ELF2: variants seen among roughly 807,000 people sequenced by gnomAD.
ELF2 encodes the protein E74 like ETS transcription factor 2.
A neutral mutation model predicts 54.8 loss-of-function variants in ELF2; 11 were observed. That is an observed-to-expected ratio of 0.20 (90% CI 0.13 to 0.33). The LOEUF (loss-of-function observed/expected upper bound fraction) is 0.33, where lower values mean the gene tolerates loss of function less well. Ranked by LOEUF, ELF2 falls within the 10% of genes least tolerant of loss-of-function variation. The probability of loss-of-function intolerance (pLI) is 1.00; values close to 1 mark genes in which losing one functional copy is unlikely to be tolerated. For missense variants in ELF2, 513 were observed against 703.0 expected (o/e 0.73, Z 3.06); for synonymous variants, 203 against 245.1 (o/e 0.83, Z 1.61).
At chr4:139,114,814 G>A (rs370091173) in intron 4 of ELF2, 44 of 1,549,718 alleles carry the variant, frequency 2.8e-5, no homozygotes, top group South Asian at 2.4e-4. Flanking sequence ...GGGGCACGAG[G>A]AGCCCTGCTC....
chr4:139,096,566 A>T (rs1437852678), intron 4 of ELF2, among the ~76,000 whole-genome samples: 3 of 148,870 alleles, frequency 2.0e-5, no homozygotes, highest in Non-Finnish European at 4.4e-5. Flanking sequence ...GGTTCAAGCG[A>T]TTCTCCTGCC....
intron 1 of ELF2, among the ~76,000 whole-genome samples, chr4:139,146,457 A>G (rs950633047): frequency 6.6e-6 from 1 of 152,230 alleles, no homozygotes; most frequent in South Asian, 2.1e-4. Context: ...CATCTAAAGC[A>G]ATCTACAGAT....
chr4:139,100,728 T>C (rs1733798278), intron 4 of ELF2: 1 of 152,240 alleles, frequency 6.6e-6, no homozygotes, highest in Non-Finnish European at 1.5e-5. Flanking sequence ...GTGAAAACAA[T>C]TTAAAAATAC....
upstream of ELF2, among the ~76,000 whole-genome samples, chr4:139,177,417 G>A (rs1183190793): frequency 6.6e-6 from 1 of 151,774 alleles, no homozygotes; most frequent in Non-Finnish European, 1.5e-5. Flanking sequence ...TGTCAAACGC[G>A]GGCCGGCTAT....
At chr4:139,144,169 C>T (rs1186942862) in intron 1 of ELF2, among the ~76,000 whole-genome samples, 1 of 152,074 alleles carries the variant, frequency 6.6e-6, no homozygotes. Context: ...AACTGTAAGT[C>T]CCCAGAGTGT....
chr4:139,171,759 C>A lies in ELF2; in HGVS notation c.-252+5208G>T, dbSNP rs529794153. ...GCAACATGGTGAAACCCCGTCTCCA[C>A]TAAAAAGACAAAAAATCAGCTGGGC... On this transcript the variant is annotated intron_variant, in intron 1 of 9. Coordinates refer to ENST00000686138, the MANE Select transcript of ELF2 (RefSeq NM_001331036.3). Among the ~76,000 whole-genome samples the A allele has an allele frequency of 6.6e-4, 101 of 152,166 alleles. 1 individual carries two copies. The South Asian group carries it at 0.02, about 30-fold the overall frequency.
chr4:139,156,037 C>T (rs1740492445), intron 1 of ELF2, among the ~76,000 whole-genome samples: 1 of 152,122 alleles, frequency 6.6e-6, no homozygotes. Flanking sequence ...TATAACTTGC[C>T]AATCATAAAA....
At chr4:139,061,711 A>G (rs919488408) in intron 8 of ELF2, among the ~76,000 whole-genome samples, 154 bp downstream of exon 8, 1 of 152,330 alleles carries the variant, frequency 6.6e-6, no homozygotes, top group African/African-American at 2.4e-5. Context: ...CCAAACTCCT[A>G]TCTCCCCACC....
intron 2 of ELF2, 105 bp from the exon 3 acceptor site, chr4:139,137,972 A>C: frequency 1.3e-6 from 1 of 788,332 alleles, no homozygotes; most frequent in Non-Finnish European, 1.8e-6. Flanking sequence ...ACTAAGAAAA[A>C]GAAGACAGGC....
At chr4:139,140,821 C>A (rs185974747) in intron 1 of ELF2, among the ~76,000 whole-genome samples, 68 of 151,920 alleles carry the variant, frequency 4.5e-4, no homozygotes, top group Admixed American at 1.9e-3. Flanking sequence ...TGCTCCAGTT[C>A]CTTCCTTTCT....
At chr4:139,109,929 A>G (rs1458196226) in intron 4 of ELF2, among the ~76,000 whole-genome samples, 3 of 152,240 alleles carry the variant, frequency 2.0e-5, no homozygotes, top group Non-Finnish European at 4.4e-5. Context: ...CCCAAACCTC[A>G]GCATCATGCA....
intron 1 of ELF2, among the ~76,000 whole-genome samples, chr4:139,167,427 G>A (rs190374386): frequency 3.3e-4 from 51 of 152,252 alleles, no homozygotes; most frequent in African/African-American, 1.1e-3. Context: ...GTGGTCAACA[G>A]CTATTCTTGC....
intron 4 of ELF2, among the ~76,000 whole-genome samples, chr4:139,104,766 A>G (rs1324165946): frequency 1.3e-5 from 2 of 152,178 alleles, no homozygotes; most frequent in Non-Finnish European, 2.9e-5. Context: ...ATTCCATTTG[A>G]CTTGTTCCTC....
At chr4:139,072,581 T>A (rs1729670205) in intron 5 of ELF2, among the ~76,000 whole-genome samples, 3 of 152,190 alleles carry the variant, frequency 2.0e-5, no homozygotes, top group African/African-American at 7.2e-5. Flanking sequence ...GTATTTAAAG[T>A]TTTATTTAAT....
intron 1 of ELF2, among the ~76,000 whole-genome samples, chr4:139,148,838 A>G (rs910399406): frequency 2.0e-5 from 3 of 152,210 alleles, no homozygotes; most frequent in African/African-American, 7.2e-5. Flanking sequence ...ACCATTTCAC[A>G]TTCCTACCAG....
chr4:139,114,447 T>A (rs1467984868), intron 4 of ELF2, among the ~76,000 whole-genome samples: 5 of 151,888 alleles, frequency 3.3e-5, no homozygotes, highest in Admixed American at 3.3e-4. Flanking sequence ...TGCGCGCCTG[T>A]AATCTCAGTT....
In ELF2 at chr4:139,079,131, T is replaced by C. The variant is rs531912237; in HGVS notation, c.239-5564A>G. On this transcript the variant is annotated intron_variant, in intron 4 of 9. Transcript: ENST00000686138. ...TTTTTTAGAGACGAGGGTCTCACTA[T>C]GTTGTCCAGGCTGGTCTCAAACTCC... 5.1e-4 allele frequency among the ~76,000 whole-genome samples: 78 copies of C among 152,146 alleles called. 1 individual carries two copies. Among genetic ancestry groups the C allele is most frequent in the African/African-American group, 1.7e-3 (71 of 41,510 alleles).
chr4:139,144,582 A>AG (rs1312775952), intron 1 of ELF2, among the ~76,000 whole-genome samples: 1 of 152,202 alleles, frequency 6.6e-6, no homozygotes, highest in Non-Finnish European at 1.5e-5. Context: ...GTGGATGAAA[A>AG]GGGGCGTGGC....
At chr4:139,095,324 A>G (rs1733136342) in intron 4 of ELF2, among the ~76,000 whole-genome samples, 2 of 151,984 alleles carry the variant, frequency 1.3e-5, no homozygotes, top group Admixed American at 6.6e-5. Context: ...AGCTGGGATT[A>G]CAGGTATGCA....
Sources: gnomAD v4.1 joint callset for allele counts (sites outside exome capture counted in the v4.1 genomes callset) on GRCh38, gnomAD v4.1.1 for gene constraint, MANE v1.5 for transcripts, NCBI Gene and HGNC (gene_info 2026-07-23, HGNC 2026-07-21) for gene names.